Variants in VAC14 observed in about 807,000 individuals in gnomAD.
The protein encoded by VAC14 is VAC14 component of PIKFYVE complex.
In VAC14, 47 loss-of-function variants were observed where a neutral mutation model predicts 85.3. That is an observed-to-expected ratio of 0.55 (90% CI 0.44 to 0.70). The LOEUF is 0.70. Among genes scored for constraint, VAC14 ranks in the 30% least tolerant of loss-of-function variants. The pLI is 0.00. For missense variants in VAC14, 861 were observed against 1,004.3 expected (o/e 0.86, Z 1.93); for synonymous variants, 447 against 430.5 (o/e 1.04, Z -0.47).
chr16:70,690,743 G>C (rs974070326), intron 18 of VAC14: 122 of 985,348 alleles, frequency 1.2e-4, no homozygotes, highest in Non-Finnish European at 1.5e-4. Flanking sequence ...CCCAGGGTGT[G>C]AGCCGTCCTC....
chr16:70,751,149 G>A (rs1175520022), intron 12 of VAC14, among the ~76,000 whole-genome samples: 2 of 152,190 alleles, frequency 1.3e-5, no homozygotes, highest in East Asian at 3.9e-4. Context: ...TTGGTCAAAC[G>A]TTCACACAGG....
At chr16:70,767,410 A>AT (rs1480902951) in intron 10 of VAC14, among the ~76,000 whole-genome samples, 3 of 152,152 alleles carry the variant, frequency 2.0e-5, no homozygotes, top group Non-Finnish European at 4.4e-5. Context: ...ATAATTATAA[A>AT]TTTTTTCAAT....
At chr16:70,752,370 C>A (rs766051509) in intron 12 of VAC14, among the ~76,000 whole-genome samples, 1 of 152,232 alleles carries the variant, frequency 6.6e-6, no homozygotes. Context: ...CCTTTGAGAC[C>A]AGATCCCTGA....
intron 9 of VAC14, among the ~76,000 whole-genome samples, chr16:70,777,803 A>G (rs928948472): frequency 6.6e-6 from 1 of 152,164 alleles, no homozygotes; most frequent in Non-Finnish European, 1.5e-5. Flanking sequence ...GTAAACAAAG[A>G]AGGCCAGGCA....
At chr16:70,790,952 T>C (rs981821444) in intron 1 of VAC14, among the ~76,000 whole-genome samples, 1 of 152,208 alleles carries the variant, frequency 6.6e-6, no homozygotes, top group African/African-American at 2.4e-5. Flanking sequence ...TATGTCAGTC[T>C]GGAGAGCACC....
intron 15 of VAC14, 75 bp from the exon 16 acceptor site, chr16:70,697,332 GGA>G: frequency 7.8e-7 from 1 of 1,275,766 alleles, no homozygotes; most frequent in Non-Finnish European, 1.1e-6. Flanking sequence ...GGGACCTGAG[GGA>G]AGGGCCACAG....
chr16:70,759,051 C>T lies in VAC14; in HGVS notation c.1371+3489G>A, dbSNP rs913335499. On this transcript the variant is annotated intron_variant, in intron 12 of 18. Transcript: ENST00000261776. ...CAGACGAGACACCCCAGCGAGGCCA[C>T]GCACCCGTGGGACTGACAGAGATGG... 3.9e-5 allele frequency among the ~76,000 whole-genome samples: 6 copies of T among 152,166 alleles called. 1 individual carries two copies. Among genetic ancestry groups the T allele is most frequent in the East Asian group, 1.9e-4 (1 of 5,194 alleles).
rs1255396953 is a variant in VAC14, at chr16:70,687,902, G to A, written c.*26C>T. On this transcript the variant is annotated 3_prime_UTR_variant, in exon 19 of 19. Coordinates refer to ENST00000261776, the MANE Select transcript of VAC14 (RefSeq NM_018052.5). Reference sequence around the variant, plus strand: ...CCTTAGTGTTTCATGGGACCACTCGGTGGGCCCTCCTCCGTGCCAGGCCTG... The same window carrying A: ...CCTTAGTGTTTCATGGGACCACTCGATGGGCCCTCCTCCGTGCCAGGCCTG... 1 of 1,487,740 alleles carries A rather than the reference G, an allele frequency of 6.7e-7. No homozygotes were observed. The highest frequency in any genetic ancestry group is 1.4e-5 in the South Asian group (1 of 74,002). 92.2% of individuals were successfully genotyped at this position (1,487,740 alleles called of 1,614,324 possible). A position where few individuals can be genotyped will look rare whatever the true frequency, so the allele number is the denominator to read the frequency against.
rs757549314 is a variant in VAC14 at position 70,784,233 on chromosome 16, G to A, written c.487-13C>T. The A allele has an allele frequency of 2.7e-5, 43 of 1,611,644 alleles. No homozygotes were observed. Among genetic ancestry groups the A allele is most frequent in the East Asian group, 8.9e-5 (4 of 44,874 alleles). ...CAGTCACAATGTCCTGTGGATCAGAGGAAAGTGAGCTGCCGAGAGCCCGAG... is the reference window on the plus strand; with the variant it reads ...CAGTCACAATGTCCTGTGGATCAGAAGAAAGTGAGCTGCCGAGAGCCCGAG... On this transcript the variant is annotated splice_polypyrimidine_tract_variant and intron_variant, in intron 4 of 18. Coordinates refer to ENST00000261776, the MANE Select transcript of VAC14 (RefSeq NM_018052.5).
intron 9 of VAC14, among the ~76,000 whole-genome samples, chr16:70,777,225 A>G (rs1278726089): frequency 6.6e-6 from 1 of 152,176 alleles, no homozygotes; most frequent in Non-Finnish European, 1.5e-5. Flanking sequence ...GATTACAGGC[A>G]TGAGTCACCA....
At chr16:70,719,962 G>C (rs1226205524) in intron 14 of VAC14, among the ~76,000 whole-genome samples, 1 of 152,162 alleles carries the variant, frequency 6.6e-6, no homozygotes, top group Non-Finnish European at 1.5e-5. Flanking sequence ...ATCAATACTA[G>C]AAGAGATAAA....
intron 1 of VAC14, among the ~76,000 whole-genome samples, chr16:70,790,496 G>C (rs566114559): frequency 1.3e-5 from 2 of 152,198 alleles, no homozygotes; most frequent in African/African-American, 2.4e-5. Flanking sequence ...GCTCGCACGT[G>C]ATGTGAACTT....
At chr16:70,697,904 G>A (rs1303948441) in intron 15 of VAC14, among the ~76,000 whole-genome samples, 1 of 152,168 alleles carries the variant, frequency 6.6e-6, no homozygotes, top group African/African-American at 2.4e-5. Context: ...CAGGGTCTGA[G>A]CCGGCAGGGG....
intron 12 of VAC14, among the ~76,000 whole-genome samples, chr16:70,750,311 T>C (rs925416687): frequency 1.3e-5 from 2 of 152,152 alleles, no homozygotes; most frequent in Non-Finnish European, 2.9e-5. Flanking sequence ...TACACAGCTT[T>C]TTTGCAAAAT....
chr16:70,718,281 CTG>C (rs1219095675), intron 14 of VAC14, among the ~76,000 whole-genome samples: 4 of 152,148 alleles, frequency 2.6e-5, no homozygotes, highest in Non-Finnish European at 5.9e-5. Flanking sequence ...TTTAAGAAAA[CTG>C]TGCTTGGGGC....
chr16:70,734,492 G>A (rs1567549649), intron 13 of VAC14, among the ~76,000 whole-genome samples: 2 of 152,152 alleles, frequency 1.3e-5, no homozygotes, highest in African/African-American at 4.8e-5. Flanking sequence ...TAAGCCCAAT[G>A]TGTCTATTTT....
intron 9 of VAC14, among the ~76,000 whole-genome samples, chr16:70,775,192 T>C (rs545370644): frequency 6.6e-6 from 1 of 152,348 alleles, no homozygotes; most frequent in Non-Finnish European, 1.5e-5. Context: ...TATATTGTTG[T>C]TCAAATGATA....
Position 70,691,914 on chromosome 16 carries a change from G to A in VAC14, c.2186+907C>T, listed in dbSNP as rs2053603986. 4 of 985,290 alleles carry A rather than the reference G, an allele frequency of 4.1e-6. 1 individual carries two copies. In the South Asian group the frequency reaches 1.4e-4, roughly 35 times the overall value. 61.0% of individuals were successfully genotyped at this position (985,290 alleles called of 1,614,324 possible). ...GGCGAGCACCCGAGGCCCTTTGCTGGAGCAAGGCGCCAGGCCTGCTGAGTG... is the reference window on the plus strand; with the variant it reads ...GGCGAGCACCCGAGGCCCTTTGCTGAAGCAAGGCGCCAGGCCTGCTGAGTG... On this transcript the variant is annotated intron_variant, in intron 18 of 18. Transcript: ENST00000261776.
intron 13 of VAC14, among the ~76,000 whole-genome samples, chr16:70,742,708 T>C (rs2030462242): frequency 6.6e-6 from 1 of 152,234 alleles, no homozygotes; most frequent in Non-Finnish European, 1.5e-5. Flanking sequence ...GCACTGGGCC[T>C]GGTCTTAGGG....
Sources: allele counts gnomAD v4.1 joint callset (sites outside exome capture counted in the v4.1 genomes callset), GRCh38; gene constraint gnomAD v4.1.1; transcripts MANE v1.5; gene names NCBI Gene and HGNC (gene_info 2026-07-23, HGNC 2026-07-21).